Variants in MBP observed in about 807,000 individuals in gnomAD.
MBP encodes myelin basic protein.
MBP carries 16 observed loss-of-function variants against 35.8 expected under a neutral mutation model. That is an observed-to-expected ratio of 0.45 (90% CI 0.30 to 0.68). The LOEUF (loss-of-function observed/expected upper bound fraction) is 0.68, where lower values mean the gene tolerates loss of function less well. Among genes scored for constraint, MBP ranks in the 30% least tolerant of loss-of-function variants. The probability of loss-of-function intolerance (pLI) is 0.08; values close to 1 mark genes in which losing one functional copy is unlikely to be tolerated. For missense variants in MBP, 380 were observed against 404.7 expected (o/e 0.94, Z 0.52); for synonymous variants, 143 against 159.6 (o/e 0.90, Z 0.78).
intron 3 of MBP, among the ~76,000 whole-genome samples, chr18:77,032,205 G>C (rs1326781682): frequency 5.3e-5 from 8 of 152,212 alleles, no homozygotes; most frequent in Non-Finnish European, 1.2e-4. Context: ...CTTGTTTGTG[G>C]AATACTTGTG....
intron 3 of MBP, among the ~76,000 whole-genome samples, chr18:77,043,833 G>T (rs1253858399): frequency 3.9e-5 from 6 of 152,116 alleles, no homozygotes; most frequent in African/African-American, 1.2e-4. Context: ...GATTTAAGTC[G>T]CTGTTTCCAC....
intron 2 of MBP, among the ~76,000 whole-genome samples, chr18:77,072,207 C>A (rs1371536490): frequency 1.3e-5 from 2 of 152,180 alleles, no homozygotes; most frequent in Non-Finnish European, 2.9e-5. Flanking sequence ...ATGCACAAAT[C>A]TGAATATGGC....
chr18:77,089,224 T>C (rs991560425), intron 2 of MBP, among the ~76,000 whole-genome samples: 2 of 152,258 alleles, frequency 1.3e-5, no homozygotes, highest in Non-Finnish European at 2.9e-5. Flanking sequence ...TGTGTGGCCC[T>C]GGCTGGCAGG....
chr18:77,132,420 C>T (rs1401334934), intron 1 of MBP, among the ~76,000 whole-genome samples, 160 bp downstream of exon 1: 1 of 152,186 alleles, frequency 6.6e-6, no homozygotes. Flanking sequence ...GAAAGGGACC[C>T]GGAGTCCGGG....
At chr18:77,066,703 C>T (rs1478052258) in intron 2 of MBP, 2 of 564,556 alleles carry the variant, frequency 3.5e-6, no homozygotes, top group African/African-American at 3.7e-5. Context: ...GGTGAGCCCA[C>T]ATAGTTACTG....
chr18:77,056,382 T>A (rs1429416818), intron 3 of MBP, among the ~76,000 whole-genome samples: 1 of 152,224 alleles, frequency 6.6e-6, no homozygotes, highest in African/African-American at 2.4e-5. Flanking sequence ...CTATGAATTA[T>A]TTCTCCGTCC....
At chr18:77,027,599 C>G (rs187510214) in intron 3 of MBP, among the ~76,000 whole-genome samples, 5,915 of 152,296 alleles carry the variant, frequency 0.039, 246 homozygotes, top group East Asian at 0.14. Flanking sequence ...TGGCCACAGA[C>G]AACTAAAAAC....
chr18:77,122,604 G>A lies in MBP; in HGVS notation c.-26+9976C>T, dbSNP rs150329693. ...GTCACTCAGGCTGGAGTGCATTGGCGCAATCTGGGCTCACTGCAACCTCCG... is the reference window on the plus strand; with the variant it reads ...GTCACTCAGGCTGGAGTGCATTGGCACAATCTGGGCTCACTGCAACCTCCG... On this transcript the variant is annotated intron_variant, in intron 1 of 8. Transcript: ENST00000355994. Among the ~76,000 whole-genome samples, 826 of 152,274 alleles carry A rather than the reference G, an allele frequency of 5.4e-3. 9 individuals are homozygous for A. Among genetic ancestry groups the A allele is most frequent in the African/African-American group, 0.019 (774 of 41,542 alleles).
chr18:77,012,115 G>A (rs1311853228), intron 4 of MBP, among the ~76,000 whole-genome samples: 4 of 152,224 alleles, frequency 2.6e-5, no homozygotes, highest in Non-Finnish European at 4.4e-5. Flanking sequence ...AGGCAGGACC[G>A]CATCCAAGCC....
intron 2 of MBP, among the ~76,000 whole-genome samples, chr18:77,098,603 T>A (rs1260892929): frequency 6.6e-6 from 1 of 152,208 alleles, no homozygotes; most frequent in Admixed American, 6.5e-5. Context: ...CAGAGAAAAT[T>A]CGTGGCAAGA....
chr18:77,084,419 C>CCT lies in MBP; in HGVS notation c.52-18035_52-18034insAG, dbSNP rs1555726618. ...AAGACCATCACAACACCGCCCCCCC[C>CCT]GCCACACCACACCACACACACACAC... On this transcript the variant is annotated intron_variant, in intron 2 of 8. Coordinates refer to ENST00000355994, the MANE Select transcript of MBP (RefSeq NM_001025101.2). Among the ~76,000 whole-genome samples, 11 of 42,124 alleles carry CCT rather than the reference C, an allele frequency of 2.6e-4. 1 individual carries two copies. Among genetic ancestry groups the CCT allele is most frequent in the African/African-American group, 7.6e-4 (11 of 14,530 alleles). The allele number at this position is 42,124 out of a possible 152,430, so 27.6% of individuals were successfully genotyped here. A position where few individuals can be genotyped will look rare whatever the true frequency, so the allele number is the denominator to read the frequency against.
rs1974328229 is a variant in MBP, at chr18:77,069,141, C to T, written c.52-2756G>A. ...GTGAGAACAAGAACAGTGCCTTACACACCTTCCCAACCCTCAGGCCTAGCA... is the reference window on the plus strand; with the variant it reads ...GTGAGAACAAGAACAGTGCCTTACATACCTTCCCAACCCTCAGGCCTAGCA... On this transcript the variant is annotated intron_variant, in intron 2 of 8. Transcript: ENST00000355994. The T allele has an allele frequency of 2.0e-5, 9 of 445,998 alleles. 1 individual carries two copies. In the Admixed American group the frequency reaches 2.1e-4, roughly 11 times the overall value. 27.6% of individuals were successfully genotyped at this position (445,998 alleles called of 1,614,324 possible).
At position 77,057,459 on chromosome 18, in the gene MBP, G is replaced by A. The variant is rs753794357; in HGVS notation, c.139+8839C>T. 9.3e-4 allele frequency among the ~76,000 whole-genome samples: 142 copies of A among 152,168 alleles called. 2 individuals are homozygous for A. Among genetic ancestry groups the A allele is most frequent in the Non-Finnish European group, 1.8e-3 (123 of 68,036 alleles). On this transcript the variant is annotated intron_variant, in intron 3 of 8. Transcript: ENST00000355994. ...GTCTAGACAGGAATACAAGGCCTCA[G>A]GCAGCCACGGAATCACAATTAGCGA...
At chr18:77,000,678 T>A (rs977506029) in intron 4 of MBP, among the ~76,000 whole-genome samples, 5 of 152,252 alleles carry the variant, frequency 3.3e-5, no homozygotes, top group African/African-American at 1.2e-4. Flanking sequence ...CGCCTGTTTC[T>A]CTCCAGAAAT....
In MBP at chr18:77,020,518, A is replaced by T. The variant is rs747088970; in HGVS notation, c.140-3250T>A. ...TATGACTCATTGCAATGAGAGGTGC[A>T]TGGCGAAGTCCAGGAACCCCTCCTC... On this transcript the variant is annotated intron_variant, in intron 3 of 8. Transcript: ENST00000355994. The surrounding 1 kb of genome is among the most constrained non-coding windows in gnomAD (Gnocchi z 4.1). 6.6e-6 allele frequency among the ~76,000 whole-genome samples: 1 copy of T among 152,186 alleles called. No homozygotes were observed. The highest frequency in any genetic ancestry group is 1.5e-5 in the Non-Finnish European group (1 of 68,030).
chr18:77,100,324 T>C (rs950980243), intron 2 of MBP, among the ~76,000 whole-genome samples: 2 of 152,238 alleles, frequency 1.3e-5, no homozygotes, highest in African/African-American at 4.8e-5. Flanking sequence ...GGCACCTTGC[T>C]GTCAGATTTC....
intron 7 of MBP, chr18:76,987,583 TA>T (rs1248411357): frequency 1.0e-6 from 1 of 985,016 alleles, no homozygotes; most frequent in Non-Finnish European, 1.2e-6. Flanking sequence ...GTTTTTCTTT[TA>T]AAATGTATTC....
At chr18:77,062,692 C>A (rs966431504) in intron 3 of MBP, among the ~76,000 whole-genome samples, 1 of 152,120 alleles carries the variant, frequency 6.6e-6, no homozygotes, top group South Asian at 2.1e-4. Context: ...AGGAAGGCTG[C>A]GTGGTTTTAG....
intron 2 of MBP, among the ~76,000 whole-genome samples, chr18:77,082,306 A>T (rs1245279453): frequency 6.6e-6 from 1 of 152,228 alleles, no homozygotes; most frequent in African/African-American, 2.4e-5. Context: ...ACCATGGATG[A>T]GCCTTGAAAG....
Sources: gnomAD v4.1 joint callset for allele counts (sites outside exome capture counted in the v4.1 genomes callset) on GRCh38, gnomAD v4.1.1 for gene constraint, Gnocchi (gnomAD v3.1) non-coding constraint, MANE v1.5 for transcripts, NCBI Gene and HGNC (gene_info 2026-07-23, HGNC 2026-07-21) for gene names.